MAP3K5: variants seen among roughly 807,000 people sequenced by gnomAD.
MAP3K5 encodes mitogen-activated protein kinase kinase kinase 5.
MAP3K5 carries 56 observed loss-of-function variants against 158.7 expected under a neutral mutation model. The ratio of observed to expected loss-of-function variants is 0.35; its 90% CI spans 0.28 to 0.44. The LOEUF (loss-of-function observed/expected upper bound fraction) is 0.44. Among genes scored for constraint, MAP3K5 ranks in the 20% least tolerant of loss-of-function variants. The probability of loss-of-function intolerance (pLI) is 1.00; values close to 1 mark genes in which losing one functional copy is unlikely to be tolerated. For missense variants in MAP3K5, 1,294 were observed against 1,674.8 expected, an observed-to-expected ratio of 0.77 and a Z score of 3.97; for synonymous variants, 579 against 601.7, an observed-to-expected ratio of 0.96 and a Z score of 0.55.
At chr6:136,610,101 G>A (rs1776265222) in intron 18 of MAP3K5, among the ~76,000 whole-genome samples, 1 of 151,930 alleles carries the variant, frequency 6.6e-6, no homozygotes, top group African/African-American at 2.4e-5. Flanking sequence ...TTAGACCAAA[G>A]ATTATTCATG....
chr6:136,674,540 A>G (rs1194937194), intron 7 of MAP3K5, among the ~76,000 whole-genome samples: 1 of 152,040 alleles, frequency 6.6e-6, no homozygotes, highest in Non-Finnish European at 1.5e-5. Flanking sequence ...CTAAAAGAAC[A>G]AAAAACATGT....
chr6:136,652,489 T>C (rs1297346449), intron 10 of MAP3K5, among the ~76,000 whole-genome samples: 1 of 152,160 alleles, frequency 6.6e-6, no homozygotes, highest in Non-Finnish European at 1.5e-5. Context: ...TGATGAATAA[T>C]GAAAATCATT....
intron 1 of MAP3K5, among the ~76,000 whole-genome samples, chr6:136,758,075 C>T (rs1014891623): frequency 6.6e-6 from 1 of 152,120 alleles, no homozygotes; most frequent in Non-Finnish European, 1.5e-5. Context: ...ACAACTTTTG[C>T]TAAAATATTG....
At chr6:136,560,728 G>A (rs375799508) in intron 28 of MAP3K5, among the ~76,000 whole-genome samples, 3 of 151,888 alleles carry the variant, frequency 2.0e-5, no homozygotes, top group Admixed American at 6.6e-5. Flanking sequence ...TGAGAGAATC[G>A]CTTGGGGCCA....
chr6:136,669,477 C>T, intron 7 of MAP3K5, 82 bp from the exon 8 acceptor site: 2 of 787,878 alleles, frequency 2.5e-6, no homozygotes, highest in Non-Finnish European at 4.4e-6. Context: ...TGTATAACTC[C>T]AATGCCTGAG....
intron 28 of MAP3K5, among the ~76,000 whole-genome samples, chr6:136,559,229 G>A (rs28478236): frequency 0.12 from 17,564 of 152,104 alleles, 1,096 homozygotes; most frequent in East Asian, 0.16. Context: ...GCGTATGCCT[G>A]TAATCCCAGC....
At chr6:136,585,564 A>G (rs1422477195) in intron 23 of MAP3K5, among the ~76,000 whole-genome samples, 4 of 151,128 alleles carry the variant, frequency 2.6e-5, no homozygotes, top group African/African-American at 9.7e-5. Context: ...CAGTGGCTCC[A>G]TTTCAGCTCA....
chr6:136,566,389 C>CT (rs1404563154), intron 26 of MAP3K5, among the ~76,000 whole-genome samples: 5 of 151,930 alleles, frequency 3.3e-5, no homozygotes, highest in African/African-American at 1.2e-4. Flanking sequence ...AACTTTCCTC[C>CT]TCCAGAGATC....
At chr6:136,663,734 C>G (rs935271953) in intron 8 of MAP3K5, among the ~76,000 whole-genome samples, 15 of 151,826 alleles carry the variant, frequency 9.9e-5, no homozygotes, top group Middle Eastern at 3.4e-3. Context: ...CTCAGTCTCC[C>G]AAGTAGCTGG....
rs1443601539 is a variant in MAP3K5, at chr6:136,580,400, T to C, written c.3418A>G (p.Lys1140Glu). 2 of 1,607,498 alleles carry C rather than the reference T, an allele frequency of 1.2e-6. No individual in the cohort carries two copies. The highest frequency in any genetic ancestry group is 4.5e-5 in the East Asian group (2 of 44,838). ...VLFGFQDAVNKVLRNHNIKPH... is the reference protein window; with the variant it reads ...VLFGFQDAVNEVLRNHNIKPH... ...TTGATGTTATGATTCCGAAGAACTT[T>C]ATTGACCTGGAGAGAGAGTGACATT... Residue 1140 changes from lysine to glutamate, a missense_variant, in exon 25 of 30, where the codon AAA becomes GAA. Physicochemically the swap from Lys to Glu is moderately conservative, Grantham distance 56. Transcript: ENST00000359015.
intron 1 of MAP3K5, among the ~76,000 whole-genome samples, chr6:136,773,761 C>A (rs1400335332): frequency 6.6e-6 from 1 of 152,134 alleles, no homozygotes; most frequent in Non-Finnish European, 1.5e-5. Flanking sequence ...GATTCTCATG[C>A]CTAAGCCTCC....
At chr6:136,624,235 CTT>C (rs1704298244) in intron 14 of MAP3K5, among the ~76,000 whole-genome samples, 1 of 152,198 alleles carries the variant, frequency 6.6e-6, no homozygotes, top group African/African-American at 2.4e-5. Context: ...AGTCAACAAA[CTT>C]AACGTTAATA....
chr6:136,691,817 T>C (rs1267889577), intron 7 of MAP3K5, among the ~76,000 whole-genome samples: 1 of 152,190 alleles, frequency 6.6e-6, no homozygotes, highest in Non-Finnish European at 1.5e-5. Context: ...TTTTCAGTTC[T>C]AGAACTCCCA....
In MAP3K5 at chr6:136,588,541, T is replaced by C. The variant is rs577275590; in HGVS notation, c.3225+3632A>G. 7.2e-5 allele frequency among the ~76,000 whole-genome samples: 11 copies of C among 152,320 alleles called. No individual in the cohort carries two copies. In the South Asian group the frequency reaches 2.3e-3, roughly 32 times the overall value. On this transcript the variant is annotated intron_variant, in intron 23 of 29. Coordinates refer to ENST00000359015, the MANE Select transcript of MAP3K5 (RefSeq NM_005923.4). ...TTTCTTCTTCTGCTAGAATGTCAAC[T>C]TCAAGGGGATGCAGATATTTTTGTT...
intron 21 of MAP3K5, among the ~76,000 whole-genome samples, chr6:136,595,310 G>T (rs941045336): frequency 6.6e-6 from 1 of 152,098 alleles, no homozygotes; most frequent in Non-Finnish European, 1.5e-5. Context: ...TCGCCATGTC[G>T]GCCAGGCTGG....
At chr6:136,642,677 G>C in intron 11 of MAP3K5, 108 bp from the exon 12 acceptor site, 2 of 729,828 alleles carry the variant, frequency 2.7e-6, no homozygotes, top group Non-Finnish European at 4.8e-6. Flanking sequence ...CATTTTTCCT[G>C]GTACACTATT....
In MAP3K5 at chr6:136,687,445, G is replaced by A. The variant is rs139322511; in HGVS notation, c.1253+6695C>T. Among the ~76,000 whole-genome samples, 292 of 152,204 alleles carry A rather than the reference G, an allele frequency of 1.9e-3. 7 individuals are homozygous for A. The East Asian group carries it at 0.035, about 18-fold the overall frequency. Reference sequence around the variant, plus strand: ...AAATGGGATCTAATTAAACAAAAGAGCTTCTGCACAGCAAAAGAAACTACC... The same window carrying A: ...AAATGGGATCTAATTAAACAAAAGAACTTCTGCACAGCAAAAGAAACTACC... On this transcript the variant is annotated intron_variant, in intron 7 of 29. Transcript: ENST00000359015.
At chr6:136,691,930 T>C (rs1780405192) in intron 7 of MAP3K5, among the ~76,000 whole-genome samples, 2 of 152,182 alleles carry the variant, frequency 1.3e-5, no homozygotes, top group Non-Finnish European at 2.9e-5. Flanking sequence ...ATCATTGTTA[T>C]TTTTATGTCC....
intron 1 of MAP3K5, among the ~76,000 whole-genome samples, chr6:136,761,689 G>A (rs898549124): frequency 5.9e-5 from 9 of 152,338 alleles, no homozygotes; most frequent in Non-Finnish European, 1.2e-4. Flanking sequence ...GAGGGGCTGC[G>A]ATGAGGCAGA....
Sources: allele counts gnomAD v4.1 joint callset (sites outside exome capture counted in the v4.1 genomes callset), GRCh38; gene constraint gnomAD v4.1.1; transcripts MANE v1.5; gene names NCBI Gene and HGNC (gene_info 2026-07-23, HGNC 2026-07-21).